NCAM1: variants seen among roughly 807,000 people sequenced by gnomAD.
NCAM1 encodes the protein antigen recognized by monoclonal antibody 5.1H11.
A neutral mutation model predicts 109.8 loss-of-function variants in NCAM1; 14 were observed. The ratio of observed to expected loss-of-function variants is 0.13; its 90% CI spans 0.08 to 0.20. The LOEUF (loss-of-function observed/expected upper bound fraction) is 0.20, where lower values mean the gene tolerates loss of function less well. Among genes scored for constraint, NCAM1 ranks in the 10% least tolerant of loss-of-function variants. The pLI is 1.00. For missense variants in NCAM1, 774 were observed against 1,109.9 expected (o/e 0.70, Z 4.30); for synonymous variants, 418 against 442.9 (o/e 0.94, Z 0.70).
intron 1 of NCAM1, among the ~76,000 whole-genome samples, chr11:112,987,124 G>T (rs1951328813): frequency 6.6e-6 from 1 of 151,900 alleles, no homozygotes. Flanking sequence ...GATATTTTTT[G>T]ATTTCTCTTT....
At chr11:113,188,708 AC>A (rs1415498244) in intron 1 of NCAM1, among the ~76,000 whole-genome samples, 3 of 152,062 alleles carry the variant, frequency 2.0e-5, no homozygotes, top group Non-Finnish European at 2.9e-5. Context: ...TTTTTAAGGA[AC>A]CCAGTTTTGC....
intron 1 of NCAM1, among the ~76,000 whole-genome samples, chr11:113,044,790 G>A (rs1362022756): frequency 6.6e-6 from 1 of 151,912 alleles, no homozygotes; most frequent in Non-Finnish European, 1.5e-5. Flanking sequence ...GTCTCGCTCT[G>A]TCGCCCAAGC....
Position 113,243,569 on chromosome 11 carries a change from C to T in NCAM1, c.1826-2799C>T, listed in dbSNP as rs782248073. 1.0e-4 allele frequency: 52 copies of T among 518,674 alleles called. 1 individual carries two copies. Among genetic ancestry groups the T allele is most frequent in the South Asian group, 6.8e-4 (49 of 71,554 alleles). The allele number at this position is 518,674 out of a possible 1,614,324, so 32.1% of individuals were successfully genotyped here. A position where few individuals can be genotyped will look rare whatever the true frequency, so the allele number is the denominator to read the frequency against. On this transcript the variant is annotated intron_variant, in intron 14 of 19. Transcript: ENST00000316851. The stretch of plus-strand genomic sequence containing the variant: ...CATCGTAGAAAACATTGCACAGAAT[C>T]ACTGCTGTAACATGTTCCAAGCTGG...
intron 1 of NCAM1, among the ~76,000 whole-genome samples, chr11:113,077,212 A>G (rs1262040575): frequency 6.6e-6 from 1 of 152,340 alleles, no homozygotes; most frequent in East Asian, 1.9e-4. Flanking sequence ...TTATAAAGGT[A>G]TGAAGAGACT....
chr11:112,987,608 C>G (rs574114959), intron 1 of NCAM1, among the ~76,000 whole-genome samples: 19 of 152,122 alleles, frequency 1.2e-4, no homozygotes, highest in African/African-American at 3.4e-4. Context: ...GTTATATTCT[C>G]TGAATTAATT....
chr11:113,092,921 TTAAATGCTGAATATGAAAATAC>T (rs1187219137), intron 1 of NCAM1, among the ~76,000 whole-genome samples: 4 of 152,178 alleles, frequency 2.6e-5, no homozygotes, highest in African/African-American at 9.7e-5. Context: ...AATACTAGCA[TTAAATGCTGAATATGAAAATAC>T]TAAATGCTAA....
At chr11:113,228,129 G>A (rs1944902490) in intron 9 of NCAM1, among the ~76,000 whole-genome samples, 1 of 152,222 alleles carries the variant, frequency 6.6e-6, no homozygotes. Flanking sequence ...AGTAGGAAAA[G>A]AGGAAGTCAA....
At chr11:113,099,933 C>T (rs1200805008) in intron 1 of NCAM1, among the ~76,000 whole-genome samples, 1 of 152,146 alleles carries the variant, frequency 6.6e-6, no homozygotes, top group Non-Finnish European at 1.5e-5. Flanking sequence ...GTGATCTGCC[C>T]GCCTCGGCCT....
At chr11:113,150,877 A>G (rs1555102355) in intron 1 of NCAM1, among the ~76,000 whole-genome samples, 1 of 152,196 alleles carries the variant, frequency 6.6e-6, no homozygotes, top group Non-Finnish European at 1.5e-5. Context: ...GCAAGGAGGA[A>G]GGGATGATCA....
intron 1 of NCAM1, among the ~76,000 whole-genome samples, chr11:112,975,889 T>C (rs1555067621): frequency 1.3e-5 from 2 of 151,992 alleles, no homozygotes; most frequent in African/African-American, 4.8e-5. Flanking sequence ...GCATTATTTT[T>C]GAGAATATAA....
At chr11:113,171,209 G>T (rs1486061575) in intron 1 of NCAM1, among the ~76,000 whole-genome samples, 1 of 152,182 alleles carries the variant, frequency 6.6e-6, no homozygotes, top group African/African-American at 2.4e-5. Flanking sequence ...TAAACAATTT[G>T]TGCCAAAGCA....
chr11:113,226,714 A>T (rs1161842554), intron 9 of NCAM1, among the ~76,000 whole-genome samples: 1 of 152,240 alleles, frequency 6.6e-6, no homozygotes, highest in African/African-American at 2.4e-5. Context: ...AAAGAACAGA[A>T]ATGATAACAA....
intron 1 of NCAM1, among the ~76,000 whole-genome samples, chr11:112,969,216 C>A (rs1465280723): frequency 6.6e-6 from 1 of 151,814 alleles, no homozygotes; most frequent in Non-Finnish European, 1.5e-5. Context: ...ACATGGGGAA[C>A]AGTGTGAGAG....
Position 113,145,824 on chromosome 11 carries a change from A to C in NCAM1, c.53-56555A>C, listed in dbSNP as rs374311776. Among the ~76,000 whole-genome samples the C allele has an allele frequency of 4.0e-5, 6 of 151,110 alleles. No individual in the cohort carries two copies. In the East Asian group the frequency reaches 9.8e-4, roughly 25 times the overall value. On this transcript the variant is annotated intron_variant, in intron 1 of 19. Coordinates refer to ENST00000316851, the MANE Select transcript of NCAM1 (RefSeq NM_181351.5). Reference sequence around the variant, plus strand: ...GGTAAGAGTCTGTGATAATTTAGGCACATCTAAAAGCAAATAACCCTCTCC... The same window carrying C: ...GGTAAGAGTCTGTGATAATTTAGGCCCATCTAAAAGCAAATAACCCTCTCC...
intron 1 of NCAM1, among the ~76,000 whole-genome samples, chr11:112,981,798 A>G (rs1951162209): frequency 6.6e-6 from 1 of 151,964 alleles, no homozygotes; most frequent in Non-Finnish European, 1.5e-5. Context: ...ATTTGTGAAC[A>G]TCTCAGATAA....
intron 1 of NCAM1, among the ~76,000 whole-genome samples, chr11:113,188,965 A>G (rs1436358607): frequency 1.3e-5 from 2 of 152,164 alleles, no homozygotes; most frequent in Non-Finnish European, 2.9e-5. Flanking sequence ...TTCCACCTCC[A>G]GAAAAGGCAT....
chr11:113,255,986 G>A lies in NCAM1; in HGVS notation c.1938G>A (p.Leu646=), dbSNP rs782093265. Residue 646 remains leucine (L), a synonymous_variant, in exon 16 of 20, where the codon CTG becomes CTA. Coordinates refer to ENST00000316851, the MANE Select transcript of NCAM1 (RefSeq NM_181351.5). ...GCGGCTCCCCCATCAGACACTATCT[G>A]GTCAGGTACCGAGCGGTGAGTGGCC... ...DDGGSPIRHY[L]VRYRALSSEW... is the part of the protein sequence containing the mutation. 2 of 1,602,458 alleles carry A rather than the reference G, an allele frequency of 1.2e-6. No individual in the cohort carries two copies. Among genetic ancestry groups the A allele is most frequent in the East Asian group, 2.3e-5 (1 of 44,216 alleles).
chr11:113,259,174 C>T (rs1374219262), intron 16 of NCAM1, among the ~76,000 whole-genome samples: 1 of 150,750 alleles, frequency 6.6e-6, no homozygotes, highest in Non-Finnish European at 1.5e-5. Context: ...GCCTCAGCCT[C>T]CCAAGTAGCT....
At chr11:113,225,805 A>T (rs1555116097) in intron 9 of NCAM1, among the ~76,000 whole-genome samples, 1 of 152,238 alleles carries the variant, frequency 6.6e-6, no homozygotes, top group African/African-American at 2.4e-5. Context: ...AGAATTTTCA[A>T]CACAGAATTT....
Sources: gnomAD v4.1 joint callset for allele counts (sites outside exome capture counted in the v4.1 genomes callset) on GRCh38, gnomAD v4.1.1 for gene constraint, MANE v1.5 for transcripts, NCBI Gene and HGNC (gene_info 2026-07-23, HGNC 2026-07-21) for gene names.